FOXM1: variants seen among roughly 807,000 people sequenced by gnomAD.
FOXM1 encodes the protein forkhead box M1.
Under a neutral mutation model 63.6 loss-of-function variants are expected in FOXM1, and 25 were observed. That is an observed-to-expected ratio of 0.39 (90% confidence interval 0.29 to 0.55). FOXM1 has a LOEUF of 0.55. Ranked by LOEUF, FOXM1 falls within the 20% of genes least tolerant of loss-of-function variation. FOXM1 has a pLI of 0.60. For synonymous variants in FOXM1, 387 were observed against 376.9 expected (o/e 1.03, Z -0.31); for missense variants, 879 against 958.7 (o/e 0.92, Z 1.10).
At chr12:2,867,688 A>G (rs531288414) in intron 4 of FOXM1, among the ~76,000 whole-genome samples, 43 of 149,848 alleles carry the variant, frequency 2.9e-4, no homozygotes, top group Admixed American at 2.7e-3. Context: ...TAGTTCTACC[A>G]TGAGGGGCCA....
At chr12:2,869,865 T>C (rs774318285) in intron 3 of FOXM1, among the ~76,000 whole-genome samples, 3 of 149,216 alleles carry the variant, frequency 2.0e-5, no homozygotes, top group Non-Finnish European at 4.5e-5. Context: ...GGGATTACAA[T>C]TGTCAGCCGC....
At chr12:2,861,358 G>C (rs761336224) in intron 8 of FOXM1, 8 of 735,270 alleles carry the variant, frequency 1.1e-5, no homozygotes, top group African/African-American at 5.2e-5. Flanking sequence ...AAATCTCGCA[G>C]ATCGCCACTA....
intron 8 of FOXM1, among the ~76,000 whole-genome samples, chr12:2,862,708 A>ATTTT (rs71057842): frequency 0.031 from 4,510 of 147,254 alleles, 82 homozygotes; most frequent in Non-Finnish European, 0.046. Flanking sequence ...TTAAAAAAAA[A>ATTTT]TTTTTTTTTT....
intron 8 of FOXM1, chr12:2,861,545 TATC>T (rs2098113299): frequency 2.7e-6 from 1 of 371,742 alleles, no homozygotes; most frequent in East Asian, 4.0e-5. Flanking sequence ...ATATAGATCT[TATC>T]ATATATTGCT....
At position 2,859,497 on chromosome 12, in the gene FOXM1, T is replaced by C. The variant is rs546655855; in HGVS notation, c.1433A>G (p.Lys478Arg). The C allele has an allele frequency of 4.3e-6, 7 of 1,614,010 alleles. No homozygotes were observed. The African/African-American group carries it at 6.7e-5, about 15-fold the overall frequency. ...CTCTTCCAAGGGAGGGCTCTCCACT[T>C]TGATGGGTCTCGCTAAGTGTGGCAT... ...EEMPHLARPIKVESPPLEEWP... is the reference protein window; with the variant it reads ...EEMPHLARPIRVESPPLEEWP... The change falls in exon 9 of 9, where the codon AAA (lysine) becomes AGA (arginine). Residue 478 changes from lysine to arginine, a missense_variant. Physicochemically the swap from Lys to Arg is conservative, Grantham distance 26. Around this residue, in one of 4 missense-constraint regions of FOXM1, gnomAD observed 486 missense variants for 453.5 expected, o/e 1.07. Coordinates refer to ENST00000359843, the MANE Select transcript of FOXM1 (RefSeq NM_021953.4).
chr12:2,877,042 G>A lies in FOXM1; in HGVS notation c.-170C>T, dbSNP rs1317708043. 6.6e-6 allele frequency: 1 copy of A among 152,042 alleles called. No individual in the cohort carries two copies. The highest frequency in any genetic ancestry group is 2.4e-5 in the African/African-American group (1 of 41,438). The allele number at this position is 152,042 out of a possible 1,614,324, so 9.4% of individuals were successfully genotyped here. On this transcript the variant is annotated 5_prime_UTR_variant, in exon 1 of 9. Coordinates refer to ENST00000359843, the MANE Select transcript of FOXM1 (RefSeq NM_021953.4). The stretch of plus-strand genomic sequence containing the variant: ...CTCGCGCCGGACCGGCCGGGTCCCC[G>A]GCGGTGCGGGCGGGGTGGGAACCCC...
At chr12:2,869,436 AT>A (rs57569983) in intron 3 of FOXM1, among the ~76,000 whole-genome samples, 364 of 134,368 alleles carry the variant, frequency 2.7e-3, no homozygotes, top group Middle Eastern at 3.9e-3. Flanking sequence ...CGCCCAGCTA[AT>A]TTTTTTTTTT....
chr12:2,876,909 A>C lies in FOXM1; in HGVS notation c.-48+11T>G, dbSNP rs1474695887. The C allele has an allele frequency of 1.3e-5, 2 of 152,324 alleles. No homozygotes were observed. Among genetic ancestry groups the C allele is most frequent in the Non-Finnish European group, 2.9e-5 (2 of 68,224 alleles). 9.4% of individuals were successfully genotyped at this position (152,324 alleles called of 1,614,324 possible). A position where few individuals can be genotyped will look rare whatever the true frequency, so the allele number is the denominator to read the frequency against. On this transcript the variant is annotated intron_variant, in intron 1 of 8. Coordinates refer to ENST00000359843, the MANE Select transcript of FOXM1 (RefSeq NM_021953.4). ...GCCAGGCCTGGGACTCCATTGCTGC[A>C]TCCCGCTCACCTCCAGACTGCAGTC... is the stretch of plus-strand genomic sequence containing the variant.
intron 1 of FOXM1, among the ~76,000 whole-genome samples, chr12:2,875,661 C>G (rs1389609478): frequency 6.6e-6 from 1 of 151,234 alleles, no homozygotes; most frequent in South Asian, 2.1e-4. Context: ...TAACCCCTGT[C>G]TTCTTAGTAC....
In FOXM1 at chr12:2,873,937, G is replaced by A. The variant is rs748835639; in HGVS notation, c.502+40C>T. 13 of 1,577,224 alleles carry A rather than the reference G, an allele frequency of 8.2e-6. No homozygotes were observed. In the African/African-American group the frequency reaches 1.8e-4, roughly 21 times the overall value. On this transcript the variant is annotated intron_variant, in intron 2 of 8. Coordinates refer to ENST00000359843, the MANE Select transcript of FOXM1 (RefSeq NM_021953.4). ...ACACACCTTGCCACTACAGAGGAAA[G>A]GCTGGGCTCCCTCACCCCTTTCCCT...
intron 8 of FOXM1, chr12:2,861,254 A>C (rs763654440): frequency 1.4e-6 from 1 of 710,980 alleles, no homozygotes; most frequent in East Asian, 2.7e-5. Flanking sequence ...TTCATAGAGG[A>C]CAATTCCAAG....
In FOXM1 at chr12:2,872,010, G is replaced by A. The variant is rs1272628692; in HGVS notation, c.654+86C>T. The A allele has an allele frequency of 9.3e-6, 13 of 1,399,444 alleles. No individual in the cohort carries two copies. The highest frequency in any genetic ancestry group is 1.3e-5 in the Non-Finnish European group (13 of 988,608). 86.7% of individuals were successfully genotyped at this position (1,399,444 alleles called of 1,614,324 possible). A position where few individuals can be genotyped will look rare whatever the true frequency, so the allele number is the denominator to read the frequency against. ...CTAATACCAGAACTTGGAAATTCTGGTCCATCAGGCCACTTGATCCATTTC... is the reference window on the plus strand; with the variant it reads ...CTAATACCAGAACTTGGAAATTCTGATCCATCAGGCCACTTGATCCATTTC... On this transcript the variant is annotated intron_variant, in intron 3 of 8. Coordinates refer to ENST00000359843, the MANE Select transcript of FOXM1 (RefSeq NM_021953.4). This position sits in a 1 kb window ranked among gnomAD's most constrained non-coding sequence, Gnocchi z 4.0.
chr12:2,862,708 A>T (rs12815029), intron 8 of FOXM1, among the ~76,000 whole-genome samples: 32,607 of 147,178 alleles, frequency 0.22, 4,204 homozygotes, highest in African/African-American at 0.37. Flanking sequence ...TTAAAAAAAA[A>T]TTTTTTTTTT....
Position 2,874,932 on chromosome 12 carries a change from A to G in FOXM1, c.-47-407T>C, listed in dbSNP as rs928389602. ...TGCTAGAATAGGAAAGCATATGGTA[A>G]TTAGGAGTCCTGATGAAACTCTGAT... On this transcript the variant is annotated intron_variant, in intron 1 of 8. Coordinates refer to ENST00000359843, the MANE Select transcript of FOXM1 (RefSeq NM_021953.4). The surrounding 1 kb of genome is among the most constrained non-coding windows in gnomAD (Gnocchi z 4.3). Among the ~76,000 whole-genome samples the G allele has an allele frequency of 5.9e-5, 9 of 152,092 alleles. No individual in the cohort carries two copies. Among genetic ancestry groups the G allele is most frequent in the Admixed American group, 4.6e-4 (7 of 15,250 alleles).
intron 3 of FOXM1, among the ~76,000 whole-genome samples, chr12:2,871,315 T>C (rs1015042818): frequency 6.6e-6 from 1 of 152,150 alleles, no homozygotes; most frequent in Non-Finnish European, 1.5e-5. Flanking sequence ...GACTACACAA[T>C]TGGGTTAGAT....
Position 2,859,142 on chromosome 12 carries a change from T to G in FOXM1, c.1788A>C (p.Gly596=). 6.2e-7 allele frequency: 1 copy of G among 1,605,562 alleles called. No homozygotes were observed. Among genetic ancestry groups the G allele is most frequent in the Non-Finnish European group, 8.5e-7 (1 of 1,176,146 alleles). ...TTTCCTTAATGGGTGTCTTAAAAGG[T>G]CCTCCCACTTCCTGGGAGTAGCTGA... is the stretch of plus-strand genomic sequence containing the variant. ...SQLSYSQEVG[G]PFKTPIKETL... is the part of the protein sequence containing the mutation. Residue 596 remains glycine (G), a synonymous_variant, in exon 9 of 9, where the codon GGA becomes GGC. Transcript: ENST00000359843.
chr12:2,859,100 G>T lies in FOXM1; in HGVS notation c.1830C>A (p.Ser610=). The T allele has an allele frequency of 6.2e-7, 1 of 1,606,572 alleles. No individual in the cohort carries two copies. The change falls in exon 9 of 9, where the codon TCC becomes TCA. Residue 610 remains serine (S), a synonymous_variant. Transcript: ENST00000359843. The part of the protein sequence containing the change: ...TPIKETLPIS[S]TPSKSVLPRT... Reference sequence around the variant, plus strand: ...TGGGGAGGACAGATTTGCTCGGGGTGGAGGAGATGGGCAGCGTTTCCTTAA... The same window carrying T: ...TGGGGAGGACAGATTTGCTCGGGGTTGAGGAGATGGGCAGCGTTTCCTTAA...
At position 2,857,775 on chromosome 12, in the gene FOXM1, T is replaced by C. The variant is rs549887634; in HGVS notation, c.*863A>G. On this transcript the variant is annotated 3_prime_UTR_variant, in exon 9 of 9. Coordinates refer to ENST00000359843, the MANE Select transcript of FOXM1 (RefSeq NM_021953.4). ...GGCCTAGGGTGGCTCTTTGCAAAGCTGAGGGGCAAGCTAAGGAAGCCAGGC... is the reference window on the plus strand; with the variant it reads ...GGCCTAGGGTGGCTCTTTGCAAAGCCGAGGGGCAAGCTAAGGAAGCCAGGC... The C allele has an allele frequency of 1.8e-4, 27 of 152,528 alleles. No homozygotes were observed. Among genetic ancestry groups the C allele is most frequent in the African/African-American group, 5.1e-4 (21 of 41,564 alleles). 9.4% of individuals were successfully genotyped at this position (152,528 alleles called of 1,614,324 possible).
intron 1 of FOXM1, 101 bp downstream of exon 1, chr12:2,876,819 C>T (rs1223879097): frequency 6.5e-6 from 1 of 152,738 alleles, no homozygotes; most frequent in Non-Finnish European, 1.5e-5. Context: ...CACTCGTGGC[C>T]CGTGCCCTGC....
Sources: gnomAD v4.1 joint callset for allele counts (sites outside exome capture counted in the v4.1 genomes callset) on GRCh38, gnomAD v4.1.1 for gene constraint, gnomAD v4.1.1 regional missense constraint, Gnocchi (gnomAD v3.1) non-coding constraint, MANE v1.5 for transcripts, NCBI Gene and HGNC (gene_info 2026-07-23, HGNC 2026-07-21) for gene names.